HS3ST2: variants seen among roughly 807,000 people sequenced by gnomAD.
HS3ST2 encodes heparan sulfate-glucosamine 3-sulfotransferase 2, also known as heparan sulfate glucosamine 3-O-sulfotransferase 2.
HS3ST2 carries 17 observed loss-of-function variants against 26.3 expected under a neutral mutation model. That is an observed-to-expected ratio of 0.65 (90% CI 0.44 to 0.97). The LOEUF (loss-of-function observed/expected upper bound fraction) is 0.97, where lower values mean the gene tolerates loss of function less well. Ranked by LOEUF, HS3ST2 falls within the 50% of genes least tolerant of loss-of-function variation. HS3ST2 has a pLI of 0.00. For synonymous variants in HS3ST2, 237 were observed against 219.2 expected, an observed-to-expected ratio of 1.08 and a Z score of -0.72; for missense variants, 402 against 501.2, an observed-to-expected ratio of 0.80 and a Z score of 1.89.
intron 1 of HS3ST2, among the ~76,000 whole-genome samples, chr16:22,892,876 T>C (rs1902149215): frequency 6.6e-6 from 1 of 152,322 alleles, no homozygotes; most frequent in South Asian, 2.1e-4. Flanking sequence ...AGAAACTTTA[T>C]AGTTATTATG....
intron 1 of HS3ST2, among the ~76,000 whole-genome samples, chr16:22,870,100 C>A (rs966282428): frequency 2.6e-5 from 4 of 152,072 alleles, no homozygotes; most frequent in Non-Finnish European, 5.9e-5. Flanking sequence ...ATTTATACCC[C>A]CTTCTAGGGT....
intron 1 of HS3ST2, among the ~76,000 whole-genome samples, chr16:22,816,995 TC>T (rs1900880371): frequency 1.3e-5 from 2 of 152,156 alleles, no homozygotes; most frequent in African/African-American, 4.8e-5. Flanking sequence ...ACCTCAGGCT[TC>T]CATCCTGGAG....
chr16:22,833,723 A>G (rs1361881142), intron 1 of HS3ST2, among the ~76,000 whole-genome samples: 1 of 152,152 alleles, frequency 6.6e-6, no homozygotes, highest in East Asian at 1.9e-4. Flanking sequence ...CACACTACAT[A>G]TTGAGGTGTG....
intron 1 of HS3ST2, among the ~76,000 whole-genome samples, chr16:22,825,895 C>T (rs183169304): frequency 3.9e-5 from 6 of 152,168 alleles, no homozygotes; most frequent in Non-Finnish European, 5.9e-5. Flanking sequence ...TGGTGGCGTG[C>T]GCCTGTATTC....
At chr16:22,839,964 T>C (rs574550069) in intron 1 of HS3ST2, among the ~76,000 whole-genome samples, 1 of 152,306 alleles carries the variant, frequency 6.6e-6, no homozygotes, top group East Asian at 1.9e-4. Flanking sequence ...GAAAATAATA[T>C]AAACTCAAAG....
intron 1 of HS3ST2, among the ~76,000 whole-genome samples, chr16:22,863,477 G>T (rs208571): frequency 0.02 from 3,090 of 152,262 alleles, 69 homozygotes; most frequent in Admixed American, 0.055. Flanking sequence ...GTACAGGTTT[G>T]TTACCTGGGT....
chr16:22,908,330 G>A (rs1902381044), intron 1 of HS3ST2, among the ~76,000 whole-genome samples: 1 of 152,124 alleles, frequency 6.6e-6, no homozygotes, highest in South Asian at 2.1e-4. Context: ...GGACTCGGGA[G>A]ATACAGCTGC....
intron 1 of HS3ST2, among the ~76,000 whole-genome samples, chr16:22,909,944 G>A (rs1275701797): frequency 6.7e-6 from 1 of 150,080 alleles, no homozygotes; most frequent in Non-Finnish European, 1.5e-5. Flanking sequence ...GGCTGAGACA[G>A]GAGAATTGCT....
chr16:22,905,129 C>T (rs1364442149), intron 1 of HS3ST2, among the ~76,000 whole-genome samples: 1 of 152,222 alleles, frequency 6.6e-6, no homozygotes, highest in African/African-American at 2.4e-5. Flanking sequence ...GGCCTCCAGG[C>T]AGCCGGGTCT....
chr16:22,840,441 G>A (rs1901335831), intron 1 of HS3ST2, among the ~76,000 whole-genome samples: 2 of 151,524 alleles, frequency 1.3e-5, no homozygotes, highest in African/African-American at 4.9e-5. Flanking sequence ...GGAGTTAAGT[G>A]ACACAATCTT....
chr16:22,858,630 T>C (rs1320924344), intron 1 of HS3ST2, among the ~76,000 whole-genome samples: 2 of 152,058 alleles, frequency 1.3e-5, no homozygotes, highest in Admixed American at 1.3e-4. Flanking sequence ...TATAAGGATG[T>C]GAGAGTAGAA....
At chr16:22,845,083 T>C (rs208943) in intron 1 of HS3ST2, among the ~76,000 whole-genome samples, 21,060 of 147,864 alleles carry the variant, frequency 0.14, 2,198 homozygotes, top group East Asian at 0.22. Context: ...CTGGATCTCC[T>C]GACCTTGTGA....
intron 1 of HS3ST2, among the ~76,000 whole-genome samples, chr16:22,892,801 T>C (rs1351449548): frequency 6.6e-6 from 1 of 152,204 alleles, no homozygotes; most frequent in Admixed American, 6.5e-5. Context: ...TATGGGCTAT[T>C]ACAATTCCAT....
intron 1 of HS3ST2, among the ~76,000 whole-genome samples, chr16:22,879,310 C>T (rs1901957543): frequency 6.6e-6 from 1 of 152,210 alleles, no homozygotes; most frequent in Admixed American, 6.5e-5. Flanking sequence ...AGATGGCTTC[C>T]AGAGCTTTCT....
At chr16:22,870,735 C>T (rs1901825636) in intron 1 of HS3ST2, among the ~76,000 whole-genome samples, 1 of 152,128 alleles carries the variant, frequency 6.6e-6, no homozygotes, top group African/African-American at 2.4e-5. Context: ...CTCCTTCACC[C>T]CTTGTAAGTC....
intron 1 of HS3ST2, among the ~76,000 whole-genome samples, chr16:22,839,740 C>G (rs867146925): frequency 6.6e-6 from 1 of 152,068 alleles, no homozygotes; most frequent in Non-Finnish European, 1.5e-5. Context: ...GTCTTACCCT[C>G]GTTTTGCTCA....
intron 1 of HS3ST2, among the ~76,000 whole-genome samples, chr16:22,820,770 G>A (rs906659047): frequency 3.3e-5 from 5 of 152,224 alleles, no homozygotes; most frequent in African/African-American, 7.2e-5. Context: ...AGCATTTTAG[G>A]TGGAGAAGAT....
At chr16:22,878,533 C>T (rs1164799938) in intron 1 of HS3ST2, among the ~76,000 whole-genome samples, 1 of 151,968 alleles carries the variant, frequency 6.6e-6, no homozygotes, top group Admixed American at 6.6e-5. Context: ...TAGTTGGGCT[C>T]ACTGACCACC....
rs1230587599 is a variant in HS3ST2, at chr16:22,814,758, C to T, written c.148C>T (p.Leu50Phe). The change falls in exon 1 of 2, where the codon CTC becomes TTC. Residue 50 changes from leucine to phenylalanine, a missense_variant. Physicochemically the swap from Leu to Phe is conservative, Grantham distance 22 (BLOSUM62 0). Around this residue, in one of 2 missense-constraint regions of HS3ST2, gnomAD observed 165 missense variants for 154.6 expected, o/e 1.07. Transcript: ENST00000261374. ...CGACGACCTGGGTCGGAGCCGCCTC[C>T]TCGGCGCGCCTCGCTGCCTCCGCGG... ...CCDDLGRSRL[L>F]GAPRCLRGPS... 2 of 1,606,048 alleles carry T rather than the reference C, an allele frequency of 1.2e-6. No individual in the cohort carries two copies. Among genetic ancestry groups the T allele is most frequent in the East Asian group, 2.2e-5 (1 of 44,636 alleles).
Sources: allele counts gnomAD v4.1 joint callset (sites outside exome capture counted in the v4.1 genomes callset), GRCh38; gene constraint gnomAD v4.1.1; regional missense constraint gnomAD v4.1.1; transcripts MANE v1.5; gene names NCBI Gene and HGNC (gene_info 2026-07-23, HGNC 2026-07-21).